TSEN2: variants seen among roughly 807,000 people sequenced by gnomAD.
TSEN2 encodes tRNA splicing endonuclease subunit 2.
Under a neutral mutation model 59.2 loss-of-function variants are expected in TSEN2, and 54 were observed. The ratio of observed to expected loss-of-function variants is 0.91; its 90% confidence interval spans 0.73 to 1.14. The LOEUF (loss-of-function observed/expected upper bound fraction) is 1.14. TSEN2 is among the 50% of genes most tolerant of loss of function. The probability of loss-of-function intolerance (pLI) is 0.00; values close to 1 mark genes in which losing one functional copy is unlikely to be tolerated. For synonymous variants in TSEN2, 195 were observed against 198.2 expected, an observed-to-expected ratio of 0.98 and a Z score of 0.14; for missense variants, 636 against 576.2, an observed-to-expected ratio of 1.10 and a Z score of -1.06.
chr3:12,524,579 A>G (rs889084350), intron 8 of TSEN2, among the ~76,000 whole-genome samples: 3 of 152,160 alleles, frequency 2.0e-5, no homozygotes, highest in Non-Finnish European at 2.9e-5. Flanking sequence ...CAGCTAATTC[A>G]GGATGATCTC....
Position 12,505,289 on chromosome 3 carries a change from T to G in TSEN2, c.909+58T>G. On this transcript the variant is annotated intron_variant, in intron 6 of 11. Transcript: ENST00000284995. ...CGGTCTCTGGGCCTGAACTACACTA[T>G]ATGTGAACCTACCTCACAGTGTAGT... 4.0e-6 allele frequency: 4 copies of G among 1,001,222 alleles called. No individual in the cohort carries two copies. The South Asian group carries it at 5.1e-5, about 13-fold the overall frequency. The allele number at this position is 1,001,222 out of a possible 1,614,324, so 62.0% of individuals were successfully genotyped here.
At chr3:12,526,503 T>C (rs1234052291) in intron 8 of TSEN2, among the ~76,000 whole-genome samples, 1 of 152,236 alleles carries the variant, frequency 6.6e-6, no homozygotes, top group Non-Finnish European at 1.5e-5. Flanking sequence ...CCTATGTGTG[T>C]GGTGGGCTGT....
intron 8 of TSEN2, among the ~76,000 whole-genome samples, chr3:12,527,845 T>TC (rs2057213434): frequency 6.6e-6 from 1 of 152,108 alleles, no homozygotes; most frequent in Non-Finnish European, 1.5e-5. Flanking sequence ...AGAGCTGTGG[T>TC]CTGGCCATGC....
chr3:12,507,188 G>A (rs146547168), intron 6 of TSEN2, among the ~76,000 whole-genome samples: 3 of 152,256 alleles, frequency 2.0e-5, no homozygotes, highest in Non-Finnish European at 4.4e-5. Flanking sequence ...GTAAGACTCC[G>A]TCTCTAAAAT....
intron 6 of TSEN2, among the ~76,000 whole-genome samples, chr3:12,512,524 A>G (rs1313748834): frequency 6.6e-6 from 1 of 152,214 alleles, no homozygotes; most frequent in Admixed American, 6.5e-5. Flanking sequence ...CTCTGTCTCT[A>G]AATTGTTGAT....
At position 12,533,297 on chromosome 3, in the gene TSEN2, C is replaced by T. The variant is rs1472758083; in HGVS notation, c.*576C>T. ...AACATTTGGCAAAATATAATAAAGC[C>T]TTTTTGTAATTGGTGAGAAAGTCAT... On this transcript the variant is annotated 3_prime_UTR_variant, in exon 12 of 12. Coordinates refer to ENST00000284995, the MANE Select transcript of TSEN2 (RefSeq NM_025265.4). 2 of 155,146 alleles carry T rather than the reference C, an allele frequency of 1.3e-5. No individual in the cohort carries two copies. The highest frequency in any genetic ancestry group is 3.8e-4 in the East Asian group (2 of 5,302). 9.6% of individuals were successfully genotyped at this position (155,146 alleles called of 1,614,324 possible). A position where few individuals can be genotyped will look rare whatever the true frequency, so the allele number is the denominator to read the frequency against.
intron 4 of TSEN2, among the ~76,000 whole-genome samples, chr3:12,501,261 A>G (rs1212880432): frequency 1.3e-5 from 2 of 152,182 alleles, no homozygotes; most frequent in Non-Finnish European, 2.9e-5. Flanking sequence ...TCATCTCCAC[A>G]TTTTATAGGT....
In TSEN2 at chr3:12,490,110, C is replaced by G. The variant is rs750199070; in HGVS notation, c.189+121C>G. 158 of 999,276 alleles carry G rather than the reference C, an allele frequency of 1.6e-4. 1 individual carries two copies. In the Middle Eastern group the frequency reaches 4.8e-3, roughly 30 times the overall value. 61.9% of individuals were successfully genotyped at this position (999,276 alleles called of 1,614,324 possible). On this transcript the variant is annotated intron_variant, in intron 2 of 11. Transcript: ENST00000284995. ...ATGAACAATGTGTATTCTTTCCTTGCGGTTTGGTCCAGTTGTAGGAAAAGT... is the reference window on the plus strand; with the variant it reads ...ATGAACAATGTGTATTCTTTCCTTGGGGTTTGGTCCAGTTGTAGGAAAAGT...
At chr3:12,536,269 G>C (rs796508025), downstream of TSEN2, among the ~76,000 whole-genome samples, 1 of 152,166 alleles carries the variant, frequency 6.6e-6, no homozygotes, top group South Asian at 2.1e-4. Flanking sequence ...GTTTTGTTTT[G>C]TTTTTTAGTA....
intron 6 of TSEN2, among the ~76,000 whole-genome samples, chr3:12,512,059 C>T (rs2055529929): frequency 6.6e-6 from 1 of 152,170 alleles, no homozygotes; most frequent in Admixed American, 6.5e-5. Context: ...TCAGTTTCCT[C>T]AGATGTAACG....
chr3:12,513,646 C>A (rs1377186773), intron 6 of TSEN2, among the ~76,000 whole-genome samples: 1 of 152,208 alleles, frequency 6.6e-6, no homozygotes, highest in African/African-American at 2.4e-5. Context: ...CTTTGTGTTA[C>A]ACTGTTCTGA....
chr3:12,503,210 T>G (rs146863687), intron 4 of TSEN2, 52 bp from the exon 5 acceptor site: 7 of 1,611,818 alleles, frequency 4.3e-6, no homozygotes, highest in Non-Finnish European at 4.2e-6. Flanking sequence ...CTTTGTTGTT[T>G]TTTCAATTTT....
Position 12,503,701 on chromosome 3 carries a change from G to C in TSEN2, c.748G>C (p.Asp250His). ...GCACATCGGCCTCCTGCATCCTGGG[G>C]ACAGAGGGCCTGACCATGAGTACGT... is the stretch of plus-strand genomic sequence containing the variant. ...SQHIGLLHPG[D>H]RGPDHEYVLV... The change falls in exon 5 of 12, where the codon GAC (aspartate) becomes CAC (histidine). Residue 250 changes from aspartate (D) to histidine (H), a missense_variant. Coordinates refer to ENST00000284995, the MANE Select transcript of TSEN2 (RefSeq NM_025265.4). The C allele has an allele frequency of 1.2e-6, 2 of 1,613,568 alleles. No individual in the cohort carries two copies. Among genetic ancestry groups the C allele is most frequent in the Non-Finnish European group, 1.7e-6 (2 of 1,179,702 alleles).
exon 11 of TSEN2, chr3:12,539,244 A>G (rs1471566934): frequency 2.5e-6 from 1 of 392,222 alleles, no homozygotes; most frequent in Non-Finnish European, 4.9e-6. Context: ...AGCGATTCTC[A>G]TGCCTCAGCC....
intron 8 of TSEN2, among the ~76,000 whole-genome samples, chr3:12,521,623 G>A (rs950804317): frequency 1.3e-5 from 2 of 152,148 alleles, no homozygotes; most frequent in African/African-American, 4.8e-5. Flanking sequence ...GCTAAGGCAC[G>A]AGAATCTCTT....
At chr3:12,503,222 A>G (rs1178445261) in intron 4 of TSEN2, 40 bp from the exon 5 acceptor site, 1 of 1,613,456 alleles carries the variant, frequency 6.2e-7, no homozygotes, top group Admixed American at 1.7e-5. Context: ...TTCAATTTTG[A>G]AATTCGAGTG....
chr3:12,529,803 GCT>G lies in TSEN2; in HGVS notation c.1184_1185del (p.Leu395ProfsTer18), dbSNP rs767837944. 17 of 1,613,950 alleles carry G rather than the reference GCT, an allele frequency of 1.1e-5. No individual in the cohort carries two copies. The South Asian group carries it at 1.9e-4, about 18-fold the overall frequency. ...GAGCTAGTTGATGACCATTTTGAAG[GCT>G]CTCTCCGCAGGCCTCTCAGTTGGAA... On this transcript the variant is annotated frameshift_variant, in exon 10 of 12. Coordinates refer to ENST00000284995, the MANE Select transcript of TSEN2 (RefSeq NM_025265.4). LOFTEE classifies it high-confidence loss of function.
At chr3:12,480,524 C>CTTTGTTTT (rs2052179117), upstream of TSEN2, among the ~76,000 whole-genome samples, 1 of 108,644 alleles carries the variant, frequency 9.2e-6, no homozygotes, top group Non-Finnish European at 1.9e-5. Flanking sequence ...TGTTTTGTTT[C>CTTTGTTTT]TTTGTTTTTT....
At chr3:12,490,390 A>C (rs2053095421) in intron 2 of TSEN2, among the ~76,000 whole-genome samples, 1 of 152,224 alleles carries the variant, frequency 6.6e-6, no homozygotes, top group South Asian at 2.1e-4. Context: ...AGCGTGGCAT[A>C]GTGTCCCTAC....
Sources: gnomAD v4.1 joint callset for allele counts (sites outside exome capture counted in the v4.1 genomes callset) on GRCh38, gnomAD v4.1.1 for gene constraint, MANE v1.5 for transcripts, NCBI Gene and HGNC (gene_info 2026-07-23, HGNC 2026-07-21) for gene names.